BABAM2: variants seen among roughly 807,000 people sequenced by gnomAD.
BABAM2 encodes BRISC and BRCA1 A complex member 2.
Under a neutral mutation model 54.7 loss-of-function variants are expected in BABAM2, and 31 were observed. The observed-to-expected ratio is 0.57, with a 90% CI of 0.43 to 0.77. BABAM2 has a LOEUF of 0.77. BABAM2 is among the 30% of genes least tolerant of loss of function. The pLI is 0.00. For missense variants in BABAM2, 364 were observed against 455.8 expected (o/e 0.80, Z 1.83); for synonymous variants, 167 against 162.9 (o/e 1.03, Z -0.19).
chr2:27,929,708 G>A, intron 2 of BABAM2, 124 bp from the exon 3 acceptor site: 3 of 806,066 alleles, frequency 3.7e-6, no homozygotes, highest in South Asian at 1.8e-5. Flanking sequence ...ATTTTGTTCT[G>A]TAAGCCAGTG....
Position 28,296,297 on chromosome 2 carries a change from C to T in BABAM2, c.935-2041C>T, listed in dbSNP as rs189647293. On this transcript the variant is annotated intron_variant, in intron 10 of 11. Transcript: ENST00000379624. ...GAATTATTGATTTTAATCAGTCTTT[C>T]GTATTGTTCCTCTATACTATGAACT... Among the ~76,000 whole-genome samples the T allele has an allele frequency of 9.6e-4, 146 of 152,278 alleles. 1 individual carries two copies. The highest frequency in any genetic ancestry group is 1.1e-3 in the Non-Finnish European group (72 of 68,018).
chr2:27,973,777 C>T (rs1671396367), intron 3 of BABAM2, among the ~76,000 whole-genome samples: 1 of 152,122 alleles, frequency 6.6e-6, no homozygotes, highest in African/African-American at 2.4e-5. Context: ...GAGAACTGAG[C>T]TACAGCATAG....
intron 7 of BABAM2, among the ~76,000 whole-genome samples, chr2:28,133,712 T>C (rs1670284559): frequency 1.3e-5 from 2 of 152,130 alleles, no homozygotes; most frequent in South Asian, 2.1e-4. Flanking sequence ...CTCCCAGCAA[T>C]TGGAAAAGAA....
intron 7 of BABAM2, among the ~76,000 whole-genome samples, chr2:28,195,249 A>G (rs752398101): frequency 2.0e-5 from 3 of 152,116 alleles, no homozygotes; most frequent in Non-Finnish European, 4.4e-5. Context: ...TGTGTCTGCA[A>G]TTTGTGCTTA....
At chr2:28,028,592 A>T (rs148348775) in intron 5 of BABAM2, among the ~76,000 whole-genome samples, 1 of 152,318 alleles carries the variant, frequency 6.6e-6, no homozygotes. Flanking sequence ...CGCCTGGAAC[A>T]GTGTCTTCCA....
intron 3 of BABAM2, among the ~76,000 whole-genome samples, chr2:27,947,762 C>A (rs1002366705): frequency 6.6e-6 from 1 of 152,034 alleles, no homozygotes; most frequent in Non-Finnish European, 1.5e-5. Flanking sequence ...GGTTTGTGAT[C>A]CATTTTGAGT....
intron 6 of BABAM2, 22 bp from the exon 7 acceptor site, chr2:28,129,249 G>A (rs751515360): frequency 1.9e-6 from 3 of 1,584,622 alleles, no homozygotes; most frequent in African/African-American, 2.7e-5. Context: ...TGCTGATGTT[G>A]TGTTTTCACT....
chr2:27,939,908 A>G (rs1259764836), intron 3 of BABAM2, among the ~76,000 whole-genome samples: 1 of 152,222 alleles, frequency 6.6e-6, no homozygotes, highest in African/African-American at 2.4e-5. Context: ...TAATTGAAAT[A>G]AAAAAGATCA....
At chr2:27,968,159 C>A (rs1460631570) in intron 3 of BABAM2, among the ~76,000 whole-genome samples, 1 of 152,192 alleles carries the variant, frequency 6.6e-6, no homozygotes, top group Non-Finnish European at 1.5e-5. Context: ...CCATTACAGG[C>A]CCAGAGGCCT....
In BABAM2 at chr2:27,890,924, AG is replaced by A. The variant is rs1237087948; in HGVS notation, c.-25+86del. 1 of 152,644 alleles carries A rather than the reference AG, an allele frequency of 6.6e-6. No individual in the cohort carries two copies. Among genetic ancestry groups the A allele is most frequent in the Non-Finnish European group, 1.5e-5 (1 of 68,098 alleles). The allele number at this position is 152,644 out of a possible 1,614,324, so 9.5% of individuals were successfully genotyped here. On this transcript the variant is annotated intron_variant, in intron 1 of 11. Coordinates refer to ENST00000379624, the MANE Select transcript of BABAM2 (RefSeq NM_199191.3). The surrounding 1 kb of genome is among the most constrained non-coding windows in gnomAD (Gnocchi z 4.8). The stretch of plus-strand genomic sequence containing the variant: ...GGAGAACTGTGGTTTAAATATGGCC[AG>A]GGGACTCGCCTCCTCTTCCTATGGA...
chr2:28,075,528 T>TTCTCTCTCTC (rs3056389), intron 6 of BABAM2, among the ~76,000 whole-genome samples: 2 of 150,244 alleles, frequency 1.3e-5, no homozygotes, highest in Non-Finnish European at 3.0e-5. Context: ...CATCACGTTT[T>TTCTCTCTCTC]TCTCTCTCTC....
chr2:28,006,956 T>C (rs1674021180), intron 4 of BABAM2, among the ~76,000 whole-genome samples: 1 of 152,030 alleles, frequency 6.6e-6, no homozygotes, highest in Admixed American at 6.6e-5. Context: ...ATAAGCTATA[T>C]ATGGGCCACC....
intron 2 of BABAM2, among the ~76,000 whole-genome samples, chr2:27,899,858 T>A (rs1249108202): frequency 6.6e-6 from 1 of 152,196 alleles, no homozygotes; most frequent in African/African-American, 2.4e-5. Flanking sequence ...TTTCGTTAGC[T>A]TCAAAAAAGA....
intron 7 of BABAM2, among the ~76,000 whole-genome samples, chr2:28,159,036 C>CT (rs1672808785): frequency 6.6e-6 from 1 of 152,152 alleles, no homozygotes; most frequent in Non-Finnish European, 1.5e-5. Context: ...ACTTAAATGG[C>CT]TAAAGGATAA....
At chr2:28,293,156 T>A (rs540378925) in intron 10 of BABAM2, among the ~76,000 whole-genome samples, 42 of 152,368 alleles carry the variant, frequency 2.8e-4, no homozygotes, top group African/African-American at 9.9e-4. Context: ...GATACTTTTT[T>A]TTTCTGGAGA....
At chr2:28,143,853 G>T (rs982884130) in intron 7 of BABAM2, among the ~76,000 whole-genome samples, 1 of 152,110 alleles carries the variant, frequency 6.6e-6, no homozygotes, top group African/African-American at 2.4e-5. Context: ...ACAGAGAAAG[G>T]ATCAGAAACT....
chr2:28,169,103 C>A (rs2147842912), intron 7 of BABAM2, among the ~76,000 whole-genome samples: 1 of 152,316 alleles, frequency 6.6e-6, no homozygotes, highest in African/African-American at 2.4e-5. Context: ...TACCTCCAAA[C>A]TCCAGTAAGG....
chr2:28,170,731 T>C (rs148583830), intron 7 of BABAM2, among the ~76,000 whole-genome samples: 2 of 152,318 alleles, frequency 1.3e-5, no homozygotes, highest in African/African-American at 4.8e-5. Flanking sequence ...TTTGTTGTTA[T>C]TATTTTGTAT....
intron 4 of BABAM2, among the ~76,000 whole-genome samples, chr2:28,018,039 G>C (rs1012542077): frequency 3.3e-5 from 5 of 152,172 alleles, no homozygotes; most frequent in Non-Finnish European, 7.3e-5. Flanking sequence ...GTGGTGTTTG[G>C]TTATATGAAT....
Sources: allele counts gnomAD v4.1 joint callset (sites outside exome capture counted in the v4.1 genomes callset), GRCh38; gene constraint gnomAD v4.1.1; non-coding constraint Gnocchi (gnomAD v3.1); transcripts MANE v1.5; gene names NCBI Gene and HGNC (gene_info 2026-07-23, HGNC 2026-07-21).